The following RGS7BP variants were observed in gnomAD, a reference collection of about 807,000 sequenced individuals.
The protein encoded by RGS7BP is regulator of G protein signaling 7-binding protein.
RGS7BP carries 9 observed loss-of-function variants against 31.3 expected under a neutral mutation model. The ratio of observed to expected loss-of-function variants is 0.29; its 90% CI spans 0.17 to 0.50. RGS7BP has a LOEUF of 0.50. Among genes scored for constraint, RGS7BP ranks in the 20% least tolerant of loss-of-function variants. The probability of loss-of-function intolerance (pLI) is 0.98; values close to 1 mark genes in which losing one functional copy is unlikely to be tolerated. For missense variants in RGS7BP, 274 were observed against 322.0 expected (o/e 0.85, Z 1.14); for synonymous variants, 115 against 120.1 (o/e 0.96, Z 0.28).
intron 2 of RGS7BP, among the ~76,000 whole-genome samples, chr5:64,575,053 CAA>C (rs969700340): frequency 5.9e-5 from 9 of 151,890 alleles, no homozygotes; most frequent in Admixed American, 2.6e-4. Context: ...TAATCAAAAA[CAA>C]AAGTGATTGC....
chr5:64,560,555 A>T (rs906947691), intron 2 of RGS7BP, among the ~76,000 whole-genome samples: 1 of 150,808 alleles, frequency 6.6e-6, no homozygotes. Flanking sequence ...ATATATATAT[A>T]TATATATAAT....
At chr5:64,566,712 G>C (rs1272580577) in intron 2 of RGS7BP, among the ~76,000 whole-genome samples, 1 of 151,940 alleles carries the variant, frequency 6.6e-6, no homozygotes, top group Non-Finnish European at 1.5e-5. Flanking sequence ...ACTCAAGATA[G>C]CTTTGCTTGA....
At chr5:64,594,473 T>C (rs1743007545) in intron 3 of RGS7BP, among the ~76,000 whole-genome samples, 1 of 152,184 alleles carries the variant, frequency 6.6e-6, no homozygotes, top group Non-Finnish European at 1.5e-5. Flanking sequence ...TCTTGATCTT[T>C]AGGTTGCATT....
chr5:64,557,834 T>A (rs1741964158), intron 2 of RGS7BP, among the ~76,000 whole-genome samples: 1 of 152,182 alleles, frequency 6.6e-6, no homozygotes, highest in Non-Finnish European at 1.5e-5. Context: ...TGTTGCTGCC[T>A]TTTCTTTGAT....
At chr5:64,596,032 G>C (rs952226388) in intron 4 of RGS7BP, among the ~76,000 whole-genome samples, 3 of 152,154 alleles carry the variant, frequency 2.0e-5, no homozygotes, top group Non-Finnish European at 4.4e-5. Flanking sequence ...TTATAAAGTA[G>C]AAAATTCTTA....
chr5:64,601,355 T>A (rs1254520288), intron 5 of RGS7BP: 1 of 569,776 alleles, frequency 1.8e-6, no homozygotes, highest in African/African-American at 2.0e-5. Context: ...GTTCCATGTT[T>A]ATTTCAGCAT....
chr5:64,567,321 G>A (rs948401575), intron 2 of RGS7BP, among the ~76,000 whole-genome samples: 11 of 152,168 alleles, frequency 7.2e-5, no homozygotes, highest in African/African-American at 1.9e-4. Flanking sequence ...TTCAACAATC[G>A]GGTATTCTAT....
At chr5:64,579,543 CAAAAAAAA>C (rs34003776) in intron 3 of RGS7BP, among the ~76,000 whole-genome samples, 265 of 53,372 alleles carry the variant, frequency 5.0e-3, no homozygotes, top group East Asian at 0.015. Flanking sequence ...GACTCCATCT[CAAAAAAAA>C]AAAAAAAAAA....
chr5:64,547,645 C>T (rs1049635471), intron 2 of RGS7BP, among the ~76,000 whole-genome samples: 2 of 152,020 alleles, frequency 1.3e-5, no homozygotes, highest in Non-Finnish European at 2.9e-5. Flanking sequence ...ACATAATGAT[C>T]AGAAAAATTC....
chr5:64,607,681 A>C (rs1743400053), intron 5 of RGS7BP, among the ~76,000 whole-genome samples: 1 of 152,034 alleles, frequency 6.6e-6, no homozygotes, highest in African/African-American at 2.4e-5. Flanking sequence ...ATCGGACGGA[A>C]GGAGTCTGTT....
intron 4 of RGS7BP, 113 bp downstream of exon 4, chr5:64,594,970 G>A: frequency 8.7e-7 from 1 of 1,153,458 alleles, no homozygotes. Flanking sequence ...GCTTTCTTTG[G>A]TATGCCAGAG....
At position 64,575,568 on chromosome 5, in the gene RGS7BP, A is replaced by G. The variant is rs1047523996; in HGVS notation, c.333-206A>G. On this transcript the variant is annotated intron_variant, in intron 2 of 5. Coordinates refer to ENST00000334025, the MANE Select transcript of RGS7BP (RefSeq NM_001029875.3). The stretch of plus-strand genomic sequence containing the variant: ...CGGCAGAACTCTGCTGCTGAAGGGG[A>G]AAAAAATTAAGAACTGTTAGTCAGA... The G allele has an allele frequency of 6.7e-6, 6 of 899,660 alleles. No homozygotes were observed. The African/African-American group carries it at 1.0e-4, about 16-fold the overall frequency. The allele number at this position is 899,660 out of a possible 1,614,324, so 55.7% of individuals were successfully genotyped here.
At chr5:64,543,938 C>T (rs1345334447) in intron 2 of RGS7BP, among the ~76,000 whole-genome samples, 1 of 152,254 alleles carries the variant, frequency 6.6e-6, no homozygotes, top group Non-Finnish European at 1.5e-5. Flanking sequence ...CTCTATACAA[C>T]AGGTAGACTT....
chr5:64,601,410 A>T (rs1743214477), intron 5 of RGS7BP: 3 of 975,750 alleles, frequency 3.1e-6, no homozygotes, highest in Non-Finnish European at 3.7e-6. Context: ...TACAGTCAAA[A>T]CTCGGCTCCA....
chr5:64,569,257 TG>T (rs1168805215), intron 2 of RGS7BP, among the ~76,000 whole-genome samples: 1 of 152,056 alleles, frequency 6.6e-6, no homozygotes, highest in Non-Finnish European at 1.5e-5. Flanking sequence ...CAAAGGCTCC[TG>T]GTGGAATCAC....
chr5:64,543,373 C>A (rs1462496088), intron 2 of RGS7BP, among the ~76,000 whole-genome samples: 3 of 152,274 alleles, frequency 2.0e-5, no homozygotes, highest in East Asian at 3.9e-4. Flanking sequence ...TTAATTGGTG[C>A]AAAAACCCCA....
rs183435495 is a variant in RGS7BP, at chr5:64,598,839, T to C, written c.682+404T>C. 6.6e-5 allele frequency among the ~76,000 whole-genome samples: 10 copies of C among 152,358 alleles called. 1 individual carries two copies. Among genetic ancestry groups the C allele is most frequent in the Admixed American group, 5.9e-4 (9 of 15,304 alleles). On this transcript the variant is annotated intron_variant, in intron 5 of 5. Coordinates refer to ENST00000334025, the MANE Select transcript of RGS7BP (RefSeq NM_001029875.3). Reference sequence around the variant, plus strand: ...ATGCCACTATTCAAAATACTTTGCATGTATTAACTGTATTAACTTATTTAA... The same window carrying C: ...ATGCCACTATTCAAAATACTTTGCACGTATTAACTGTATTAACTTATTTAA...
intron 5 of RGS7BP, among the ~76,000 whole-genome samples, chr5:64,602,394 T>C (rs1255472218): frequency 6.6e-6 from 1 of 152,206 alleles, no homozygotes; most frequent in Admixed American, 6.5e-5. Flanking sequence ...CAATCTAATT[T>C]CTTAATGCAT....
At chr5:64,510,509 A>G (rs189485141) in intron 2 of RGS7BP, among the ~76,000 whole-genome samples, 4 of 152,356 alleles carry the variant, frequency 2.6e-5, no homozygotes, top group Non-Finnish European at 4.4e-5. Flanking sequence ...AGAGACAGAA[A>G]GTAGATTAGT....
Sources: allele counts gnomAD v4.1 joint callset (sites outside exome capture counted in the v4.1 genomes callset), GRCh38; gene constraint gnomAD v4.1.1; transcripts MANE v1.5; gene names NCBI Gene and HGNC (gene_info 2026-07-23, HGNC 2026-07-21).